The following ANKMY1 variants were observed in gnomAD, a reference collection of about 807,000 sequenced individuals.
ANKMY1 encodes ankyrin repeat and MYND domain-containing protein 1.
A neutral mutation model predicts 102.0 loss-of-function variants in ANKMY1; 98 were observed. The observed-to-expected ratio is 0.96, with a 90% confidence interval of 0.82 to 1.14. The LOEUF (loss-of-function observed/expected upper bound fraction) is 1.14, where lower values mean the gene tolerates loss of function less well. Ranked by LOEUF, ANKMY1 falls within the 50% of genes most tolerant of loss-of-function variation. The pLI is 0.00. For missense variants in ANKMY1, 1,330 were observed against 1,347.6 expected (o/e 0.99, Z 0.20); for synonymous variants, 582 against 559.9 (o/e 1.04, Z -0.56).
upstream of ANKMY1, chr2:240,560,793 G>A: frequency 6.9e-7 from 1 of 1,453,344 alleles, no homozygotes; most frequent in Non-Finnish European, 9.0e-7. Context: ...CGCGGGCGCG[G>A]AGGAGCAGCT....
chr2:240,545,134 G>A (rs1378264165), intron 4 of ANKMY1, among the ~76,000 whole-genome samples: 1 of 152,218 alleles, frequency 6.6e-6, no homozygotes, highest in Non-Finnish European at 1.5e-5. Flanking sequence ...AGAGAGCAGT[G>A]GTTCTCCCAG....
intron 8 of ANKMY1, chr2:240,523,505 G>C (rs1199119634): frequency 3.6e-6 from 1 of 277,144 alleles, no homozygotes; most frequent in African/African-American, 2.2e-5. Context: ...GCAGGGGTGT[G>C]AGAGCTGCCC....
chr2:240,505,659 A>C (rs933666686), intron 13 of ANKMY1, among the ~76,000 whole-genome samples: 3 of 152,130 alleles, frequency 2.0e-5, no homozygotes, highest in Non-Finnish European at 4.4e-5. Context: ...AGAAGTGGTG[A>C]GTCTAGGTGA....
At chr2:240,470,731 T>C in the ANKMY1 span, among the ~76,000 whole-genome samples, 1 of 152,192 alleles carries the variant, frequency 6.6e-6, no homozygotes, top group Non-Finnish European at 1.5e-5. Context: ...CTGGGAAATG[T>C]TGACTTTGAA....
chr2:240,522,643 C>CA (rs1269448667), intron 8 of ANKMY1: 5 of 152,204 alleles, frequency 3.3e-5, no homozygotes, highest in African/African-American at 4.8e-5. Flanking sequence ...CCCACGGGCC[C>CA]ACCTCTCACT....
chr2:240,487,971 T>C (rs943602648), intron 15 of ANKMY1, among the ~76,000 whole-genome samples: 17 of 152,216 alleles, frequency 1.1e-4, no homozygotes, highest in African/African-American at 4.1e-4. Flanking sequence ...AGAAACTCTT[T>C]AGTTTTATTA....
At chr2:240,528,801 T>A (rs2084521574) in intron 5 of ANKMY1, among the ~76,000 whole-genome samples, 1 of 152,052 alleles carries the variant, frequency 6.6e-6, no homozygotes, top group Admixed American at 6.5e-5. Flanking sequence ...CCTGAGACCC[T>A]CATTCCCCTG....
At chr2:240,534,882 C>T (rs2086350837) in intron 4 of ANKMY1, among the ~76,000 whole-genome samples, 1 of 152,098 alleles carries the variant, frequency 6.6e-6, no homozygotes, top group Non-Finnish European at 1.5e-5. Context: ...GTGTGAGGAT[C>T]ACTTGAGCCC....
At chr2:240,518,482 C>T (rs940227610) in intron 9 of ANKMY1, among the ~76,000 whole-genome samples, 4 of 152,200 alleles carry the variant, frequency 2.6e-5, no homozygotes, top group African/African-American at 9.7e-5. Flanking sequence ...GAACAATCTC[C>T]TGCTCTCCCT....
At chr2:240,515,347 C>T (rs373051129) in intron 9 of ANKMY1, among the ~76,000 whole-genome samples, 122 of 152,144 alleles carry the variant, frequency 8.0e-4, no homozygotes, top group East Asian at 4.3e-3. Flanking sequence ...CCAGCCTGGC[C>T]AACATGGTGA....
In ANKMY1 at chr2:240,479,426, G is replaced by A; in HGVS notation, c.*183C>T. The A allele has an allele frequency of 1.4e-6, 1 of 735,392 alleles. No individual in the cohort carries two copies. The highest frequency in any genetic ancestry group is 2.3e-6 in the Non-Finnish European group (1 of 430,902). 45.6% of individuals were successfully genotyped at this position (735,392 alleles called of 1,614,324 possible). A position where few individuals can be genotyped will look rare whatever the true frequency, so the allele number is the denominator to read the frequency against. ...CTAGGGGCAGAGCACAGCACAGACTGTCAAAATCACCCCGTGGGGCCAATT... is the reference window on the plus strand; with the variant it reads ...CTAGGGGCAGAGCACAGCACAGACTATCAAAATCACCCCGTGGGGCCAATT... On this transcript the variant is annotated 3_prime_UTR_variant, in exon 18 of 18. Transcript: ENST00000401804.
chr2:240,544,743 T>C (rs1466103590), intron 4 of ANKMY1, among the ~76,000 whole-genome samples: 1 of 152,012 alleles, frequency 6.6e-6, no homozygotes, highest in Non-Finnish European at 1.5e-5. Flanking sequence ...AAGAAAGGGG[T>C]GACAGACGGC....
chr2:240,490,627 T>A (rs1442617699), intron 15 of ANKMY1, among the ~76,000 whole-genome samples: 3 of 152,154 alleles, frequency 2.0e-5, no homozygotes, highest in African/African-American at 7.2e-5. Context: ...AATTATGCAT[T>A]TGTATAGTTT....
At chr2:240,543,958 A>G (rs2089661410) in intron 4 of ANKMY1, among the ~76,000 whole-genome samples, 1 of 152,184 alleles carries the variant, frequency 6.6e-6, no homozygotes, top group African/African-American at 2.4e-5. Flanking sequence ...TAAGGTTACT[A>G]AGAATAAAAG....
At chr2:240,487,656 A>G (rs559034876) in intron 15 of ANKMY1, among the ~76,000 whole-genome samples, 46 of 151,292 alleles carry the variant, frequency 3.0e-4, no homozygotes, top group African/African-American at 1.1e-3. Flanking sequence ...TTTTTATAAT[A>G]GCCATTCTGA....
intron 4 of ANKMY1, among the ~76,000 whole-genome samples, chr2:240,531,435 G>A (rs969078559): frequency 1.2e-4 from 19 of 152,142 alleles, no homozygotes; most frequent in African/African-American, 3.6e-4. Flanking sequence ...CCAATCAACC[G>A]TTCTGGGCAG....
chr2:240,524,279 A>G lies in ANKMY1; in HGVS notation c.1438T>C (p.Tyr480His). 1 of 1,613,814 alleles carries G rather than the reference A, an allele frequency of 6.2e-7. No individual in the cohort carries two copies. The highest frequency in any genetic ancestry group is 2.2e-5 in the East Asian group (1 of 44,882). The change falls in exon 8 of 18, where the codon TAT (tyrosine) becomes CAT (histidine). Residue 480 changes from tyrosine to histidine, a missense_variant. Physicochemically the swap from Tyr to His is moderately conservative, Grantham distance 83. Coordinates refer to ENST00000401804, the MANE Select transcript of ANKMY1 (RefSeq NM_001282771.3). ...GGTGCTGGCGGTGGCCTCAGCTCAT[A>G]GCTACCCTGGGAAGGCACGTTCACC... ...YEVNVPSQGSYELRPPPAPLL... is the reference protein window; with the variant it reads ...YEVNVPSQGSHELRPPPAPLL...
chr2:240,552,716 C>T, intron 4 of ANKMY1, 198 bp downstream of exon 4: 1 of 792,552 alleles, frequency 1.3e-6, no homozygotes, highest in Non-Finnish European at 1.9e-6. Flanking sequence ...GCTGGTATCC[C>T]TCTGGGGAAT....
chr2:240,504,237 T>G (rs10933610), intron 13 of ANKMY1, among the ~76,000 whole-genome samples: 1 of 152,070 alleles, frequency 6.6e-6, no homozygotes, highest in Non-Finnish European at 1.5e-5. Context: ...CCATCATTTA[T>G]GTATACCCCC....
Sources: gnomAD v4.1 joint callset for allele counts (sites outside exome capture counted in the v4.1 genomes callset) on GRCh38, gnomAD v4.1.1 for gene constraint, MANE v1.5 for transcripts, NCBI Gene and HGNC (gene_info 2026-07-23, HGNC 2026-07-21) for gene names.